Variants in COMMD10 observed in about 807,000 individuals in gnomAD.
The protein encoded by COMMD10 is COMM domain-containing protein 10.
In COMMD10, 33 loss-of-function variants were observed where a neutral mutation model predicts 28.9. The observed-to-expected ratio is 1.14, with a 90% CI of 0.87 to 1.53. The LOEUF (loss-of-function observed/expected upper bound fraction) is 1.53, where lower values mean the gene tolerates loss of function less well. Among genes scored for constraint, COMMD10 ranks in the 40% most tolerant of loss-of-function variants. The pLI, the probability that COMMD10 is intolerant of heterozygous loss-of-function variation, is 0.00. For missense variants in COMMD10, 310 were observed against 233.4 expected, an observed-to-expected ratio of 1.33 and a Z score of -2.14; for synonymous variants, 110 against 81.7, an observed-to-expected ratio of 1.35 and a Z score of -1.87.
intron 5 of COMMD10, among the ~76,000 whole-genome samples, chr5:116,277,951 A>G (rs2112704857): frequency 6.6e-6 from 1 of 151,992 alleles, no homozygotes; most frequent in East Asian, 1.9e-4. Context: ...TTTTATAAAG[A>G]AAAGAGAAAC....
At chr5:116,205,679 G>A (rs1202706369) in intron 5 of COMMD10, among the ~76,000 whole-genome samples, 5 of 151,996 alleles carry the variant, frequency 3.3e-5, no homozygotes, top group Non-Finnish European at 7.4e-5. Context: ...TTTCTAAATA[G>A]CATTCTATTT....
Position 116,091,154 on chromosome 5 carries a change from C to T in COMMD10, c.208C>T (p.Leu70=). Reference sequence around the variant, plus strand: ...TTCTCTAGAGAAACAAGATCTTCACCTAGTTCTTGAAACAATATCATTTAT... The same window carrying T: ...TTCTCTAGAGAAACAAGATCTTCACTTAGTTCTTGAAACAATATCATTTAT... ...AFSLEKQDLH[L]VLETISFILE... Residue 70 remains leucine (L), a synonymous_variant, in exon 3 of 7, where the codon CTA becomes TTA. Coordinates refer to ENST00000274458, the MANE Select transcript of COMMD10 (RefSeq NM_016144.4). The T allele has an allele frequency of 1.2e-6, 2 of 1,607,906 alleles. No homozygotes were observed. Among genetic ancestry groups the T allele is most frequent in the Non-Finnish European group, 1.7e-6 (2 of 1,176,286 alleles).
At chr5:116,152,387 C>T (rs929926006) in intron 5 of COMMD10, among the ~76,000 whole-genome samples, 1 of 152,022 alleles carries the variant, frequency 6.6e-6, no homozygotes, top group African/African-American at 2.4e-5. Context: ...AGAGTATGAG[C>T]TGTGAAAGAA....
intron 5 of COMMD10, among the ~76,000 whole-genome samples, chr5:116,192,448 A>C (rs963791086): frequency 1.3e-5 from 2 of 152,122 alleles, no homozygotes; most frequent in African/African-American, 4.8e-5. Context: ...GGAAATATTC[A>C]AGGAAATAGA....
chr5:116,109,465 G>A (rs188204997), intron 4 of COMMD10, among the ~76,000 whole-genome samples: 2 of 152,060 alleles, frequency 1.3e-5, no homozygotes, highest in Non-Finnish European at 2.9e-5. Context: ...GTGCTGGTGC[G>A]TGCCTGTAAT....
chr5:116,285,753 TGCTC>T (rs1751203708), intron 5 of COMMD10, among the ~76,000 whole-genome samples: 1 of 152,086 alleles, frequency 6.6e-6, no homozygotes, highest in Admixed American at 6.5e-5. Flanking sequence ...CCCTTTAATG[TGCTC>T]TTGACTTTAG....
At chr5:116,129,152 A>G (rs182029787) in intron 4 of COMMD10, among the ~76,000 whole-genome samples, 22 of 151,564 alleles carry the variant, frequency 1.5e-4, no homozygotes, top group African/African-American at 3.9e-4. Flanking sequence ...TTTGATTTTG[A>G]TATAATTTAT....
chr5:116,158,286 C>T (rs1183361497), intron 5 of COMMD10, among the ~76,000 whole-genome samples: 10 of 10 alleles, frequency 1, 5 homozygotes, highest in Non-Finnish European at 1. Flanking sequence ...CTCCGTCTCC[C>T]CTCTCCTCCC....
At chr5:116,101,946 C>T (rs911958411) in intron 4 of COMMD10, among the ~76,000 whole-genome samples, 1 of 152,048 alleles carries the variant, frequency 6.6e-6, no homozygotes, top group African/African-American at 2.4e-5. Flanking sequence ...GTTTTTTGTA[C>T]ATTCTGGATA....
chr5:116,221,620 A>G (rs994617226), intron 5 of COMMD10, among the ~76,000 whole-genome samples: 14 of 152,182 alleles, frequency 9.2e-5, no homozygotes, highest in African/African-American at 3.4e-4. Flanking sequence ...AGGTCTTAGT[A>G]GTAATTATTT....
intron 5 of COMMD10, among the ~76,000 whole-genome samples, chr5:116,145,445 T>A (rs1414131042): frequency 1.3e-5 from 1 of 78,084 alleles, no homozygotes; most frequent in Non-Finnish European, 2.2e-5. Context: ...AGGGTTTGTC[T>A]GTGTCTATGA....
At chr5:116,169,270 C>T (rs1010440262) in intron 5 of COMMD10, among the ~76,000 whole-genome samples, 2 of 152,114 alleles carry the variant, frequency 1.3e-5, no homozygotes, top group African/African-American at 4.8e-5. Flanking sequence ...CATTCCTGTA[C>T]ACATACACCT....
chr5:116,164,634 A>G (rs919263132), intron 5 of COMMD10, among the ~76,000 whole-genome samples: 1 of 152,246 alleles, frequency 6.6e-6, no homozygotes, highest in Non-Finnish European at 1.5e-5. Context: ...CTTGTAGTTT[A>G]CAAATGACCA....
Position 116,288,872 on chromosome 5 carries a change from C to CTTTTT in COMMD10, c.511-2622_511-2618dup, listed in dbSNP as rs1157658912. 1.8e-4 allele frequency among the ~76,000 whole-genome samples: 19 copies of CTTTTT among 104,358 alleles called. 2 individuals carry two copies. Among genetic ancestry groups the CTTTTT allele is most frequent in the African/African-American group, 4.8e-4 (13 of 27,076 alleles). 68.5% of individuals were successfully genotyped at this position (104,358 alleles called of 152,430 possible). A position where few individuals can be genotyped will look rare whatever the true frequency, so the allele number is the denominator to read the frequency against. ...GTTTTCAATTGTTGGTGTTCTCTCTCTTTTTTTTTTTTTTTTTTTTTTTTT... is the reference window on the plus strand; with the variant it reads ...GTTTTCAATTGTTGGTGTTCTCTCTCTTTTTTTTTTTTTTTTTTTTTTTTTTTTTT... On this transcript the variant is annotated intron_variant, in intron 5 of 6. Coordinates refer to ENST00000274458, the MANE Select transcript of COMMD10 (RefSeq NM_016144.4).
At chr5:116,262,583 T>A (rs1291417314) in intron 5 of COMMD10, among the ~76,000 whole-genome samples, 1 of 151,874 alleles carries the variant, frequency 6.6e-6, no homozygotes, top group Non-Finnish European at 1.5e-5. Context: ...TAATTATGTT[T>A]AAATGTGTAA....
chr5:116,172,120 A>C lies in COMMD10; in HGVS notation c.510+37942A>C, dbSNP rs78844931. Among the ~76,000 whole-genome samples the C allele has an allele frequency of 2.0e-5, 3 of 152,268 alleles. No homozygotes were observed. In the East Asian group the frequency reaches 5.8e-4, roughly 29 times the overall value. On this transcript the variant is annotated intron_variant, in intron 5 of 6. Transcript: ENST00000274458. Reference sequence around the variant, plus strand: ...GCTGGAAAAATATATCTTTCAGCCCAGCAACTTTATTATAGTACATATGGT... The same window carrying C: ...GCTGGAAAAATATATCTTTCAGCCCCGCAACTTTATTATAGTACATATGGT...
chr5:116,167,264 A>G (rs1753154280), intron 5 of COMMD10, among the ~76,000 whole-genome samples: 1 of 151,988 alleles, frequency 6.6e-6, no homozygotes, highest in South Asian at 2.1e-4. Context: ...TATCAACTTA[A>G]TGAAGTAAAG....
At chr5:116,183,086 C>A (rs183117925) in intron 5 of COMMD10, among the ~76,000 whole-genome samples, 1 of 151,920 alleles carries the variant, frequency 6.6e-6, no homozygotes, top group Non-Finnish European at 1.5e-5. Context: ...ACCCAGTCTT[C>A]GGTATTTCTT....
chr5:116,267,681 T>C (rs1427456275), intron 5 of COMMD10, among the ~76,000 whole-genome samples: 12 of 151,716 alleles, frequency 7.9e-5, no homozygotes, highest in Non-Finnish European at 5.9e-5. Context: ...AGGCATCACA[T>C]TACCTGACTT....
Sources: gnomAD v4.1 joint callset for allele counts (sites outside exome capture counted in the v4.1 genomes callset) on GRCh38, gnomAD v4.1.1 for gene constraint, MANE v1.5 for transcripts, NCBI Gene and HGNC (gene_info 2026-07-23, HGNC 2026-07-21) for gene names.